LRFN5: variants seen among roughly 807,000 people sequenced by gnomAD.
LRFN5 encodes the protein leucine-rich repeat and fibronectin type-III domain-containing protein 5.
A neutral mutation model predicts 45.6 loss-of-function variants in LRFN5; 24 were observed. The observed-to-expected ratio is 0.53, with a 90% CI of 0.38 to 0.74. The LOEUF is 0.74. LRFN5 is among the 30% of genes least tolerant of loss of function. The pLI, the probability that LRFN5 is intolerant of heterozygous loss-of-function variation, is 0.00. For synonymous variants in LRFN5, 340 were observed against 313.8 expected (o/e 1.08, Z -0.88); for missense variants, 776 against 861.5 (o/e 0.90, Z 1.24).
chr14:41,766,639 A>G (rs753847814), intron 1 of LRFN5, among the ~76,000 whole-genome samples: 2 of 152,228 alleles, frequency 1.3e-5, no homozygotes, highest in Non-Finnish European at 2.9e-5. Flanking sequence ...ACTTATTTCA[A>G]AAAGGAAAGG....
intron 1 of LRFN5, among the ~76,000 whole-genome samples, chr14:41,710,133 G>A (rs748678243): frequency 6.6e-6 from 1 of 152,016 alleles, no homozygotes; most frequent in Non-Finnish European, 1.5e-5. Flanking sequence ...GTAGATCAAG[G>A]TTGTTTACAG....
chr14:41,760,925 A>G (rs1050123748), intron 1 of LRFN5, among the ~76,000 whole-genome samples: 31 of 152,172 alleles, frequency 2.0e-4, no homozygotes, highest in African/African-American at 7.2e-4. Flanking sequence ...AGCTAACATG[A>G]TGTTCACAGT....
At chr14:41,879,663 G>A (rs1231238298) in intron 2 of LRFN5, among the ~76,000 whole-genome samples, 1 of 151,006 alleles carries the variant, frequency 6.6e-6, no homozygotes, top group African/African-American at 2.4e-5. Flanking sequence ...TTTTATGAGA[G>A]GATTTTGATT....
chr14:41,847,904 T>C (rs1449173600), intron 2 of LRFN5, among the ~76,000 whole-genome samples: 2 of 152,146 alleles, frequency 1.3e-5, no homozygotes, highest in African/African-American at 2.4e-5. Flanking sequence ...TCAAACACTT[T>C]CTCAATGACC....
intron 2 of LRFN5, among the ~76,000 whole-genome samples, chr14:41,881,850 T>G (rs1482181775): frequency 3.3e-5 from 5 of 152,216 alleles, no homozygotes; most frequent in African/African-American, 1.2e-4. Flanking sequence ...TCTGCTAAAA[T>G]TACCCATCAA....
intron 2 of LRFN5, among the ~76,000 whole-genome samples, chr14:41,838,231 G>T (rs1773032900): frequency 6.6e-6 from 1 of 152,014 alleles, no homozygotes; most frequent in Admixed American, 6.6e-5. Flanking sequence ...CTCCTTTGAT[G>T]ATCCTTCACA....
At chr14:41,788,113 T>G (rs1341754949) in intron 2 of LRFN5, among the ~76,000 whole-genome samples, 1 of 152,078 alleles carries the variant, frequency 6.6e-6, no homozygotes, top group African/African-American at 2.4e-5. Flanking sequence ...AGAAAATAAA[T>G]TTATGTTGTA....
At chr14:41,856,165 A>G (rs1430192789) in intron 2 of LRFN5, among the ~76,000 whole-genome samples, 2 of 152,184 alleles carry the variant, frequency 1.3e-5, no homozygotes, top group African/African-American at 4.8e-5. Context: ...TCTTTCAGCA[A>G]ATATAGCAAA....
intron 1 of LRFN5, among the ~76,000 whole-genome samples, chr14:41,764,356 G>T (rs1050737432): frequency 6.6e-6 from 1 of 152,032 alleles, no homozygotes; most frequent in Admixed American, 6.6e-5. Flanking sequence ...ATTCTTAAGA[G>T]AATTTTTTTA....
intron 1 of LRFN5, among the ~76,000 whole-genome samples, chr14:41,668,299 T>C (rs1881002225): frequency 6.6e-6 from 1 of 152,198 alleles, no homozygotes; most frequent in African/African-American, 2.4e-5. Flanking sequence ...TTTATTTTTA[T>C]AATCTAGATT....
At chr14:41,610,875 C>A (rs1044774527) in intron 1 of LRFN5, among the ~76,000 whole-genome samples, 2 of 151,846 alleles carry the variant, frequency 1.3e-5, no homozygotes, top group East Asian at 3.9e-4. Context: ...ACAAGGACCC[C>A]ACTTTGTCCT....
At chr14:41,743,752 T>C (rs1884804991) in intron 1 of LRFN5, among the ~76,000 whole-genome samples, 1 of 152,222 alleles carries the variant, frequency 6.6e-6, no homozygotes, top group Admixed American at 6.5e-5. Flanking sequence ...TGGCTCTCTG[T>C]ACAGTGTATA....
At chr14:41,781,812 A>G (rs1403532068) in intron 2 of LRFN5, among the ~76,000 whole-genome samples, 2 of 152,022 alleles carry the variant, frequency 1.3e-5, no homozygotes, top group Non-Finnish European at 2.9e-5. Flanking sequence ...TGCTAGATAC[A>G]GTATCACAGG....
chr14:41,706,330 C>T (rs1195494861), intron 1 of LRFN5, among the ~76,000 whole-genome samples: 1 of 152,152 alleles, frequency 6.6e-6, no homozygotes, highest in Non-Finnish European at 1.5e-5. Flanking sequence ...GAACTCCCGA[C>T]CTCGGGTGAT....
chr14:41,895,479 A>C (rs912748206), intron 4 of LRFN5, among the ~76,000 whole-genome samples: 1 of 151,988 alleles, frequency 6.6e-6, no homozygotes, highest in Non-Finnish European at 1.5e-5. Flanking sequence ...CAAAAAAATT[A>C]GCTGGGGGCA....
At chr14:41,617,450 C>G (rs1887965705) in intron 1 of LRFN5, among the ~76,000 whole-genome samples, 1 of 152,030 alleles carries the variant, frequency 6.6e-6, no homozygotes, top group South Asian at 2.1e-4. Context: ...GGGGATTGCC[C>G]TTTTCTCCTG....
At chr14:41,856,418 T>A (rs1433748122) in intron 2 of LRFN5, among the ~76,000 whole-genome samples, 2 of 152,138 alleles carry the variant, frequency 1.3e-5, no homozygotes, top group Non-Finnish European at 2.9e-5. Context: ...AAGGGGCTTC[T>A]ATCTCTAATA....
At position 41,800,333 on chromosome 14, in the gene LRFN5, G is replaced by A. The variant is rs181570439; in HGVS notation, c.-21+33304G>A. Among the ~76,000 whole-genome samples, 7 of 152,026 alleles carry A rather than the reference G, an allele frequency of 4.6e-5. No homozygotes were observed. In the East Asian group the frequency reaches 1.4e-3, roughly 29 times the overall value. On this transcript the variant is annotated intron_variant, in intron 2 of 5. Transcript: ENST00000298119. ...TGTCCTTAAGTTAAAGCTAATTACT[G>A]CAATGATATATTATTTTAGTTTATA...
intron 1 of LRFN5, among the ~76,000 whole-genome samples, chr14:41,654,700 A>G (rs1377428925): frequency 6.6e-6 from 1 of 152,120 alleles, no homozygotes; most frequent in African/African-American, 2.4e-5. Context: ...GAGATAATTT[A>G]TCATTAGCTT....
Sources: allele counts gnomAD v4.1 joint callset (sites outside exome capture counted in the v4.1 genomes callset), GRCh38; gene constraint gnomAD v4.1.1; transcripts MANE v1.5; gene names NCBI Gene and HGNC (gene_info 2026-07-23, HGNC 2026-07-21).